The following PGCKA1 variants were observed in gnomAD, a reference collection of about 807,000 sequenced individuals.
The protein encoded by PGCKA1 is PDCD10 and GCKIII kinases associated 1.
chr4:37,459,104 G>A, the PGCKA1 span, among the ~76,000 whole-genome samples: 3 of 152,192 alleles, frequency 2.0e-5, no homozygotes, highest in South Asian at 6.2e-4. Context: ...AGTGAAGGGT[G>A]GTGGTATTAC....
the PGCKA1 span, among the ~76,000 whole-genome samples, chr4:37,577,045 T>C: frequency 1.3e-5 from 2 of 152,216 alleles, no homozygotes; most frequent in East Asian, 3.9e-4. Flanking sequence ...GTAGTTTTCT[T>C]TTTTTTGATG....
At chr4:37,566,891 T>G in the PGCKA1 span, among the ~76,000 whole-genome samples, 2 of 152,270 alleles carry the variant, frequency 1.3e-5, no homozygotes, top group Middle Eastern at 3.4e-3. Context: ...CCTGAGGCCT[T>G]TCTTGTACCA....
chr4:37,519,578 G>A, the PGCKA1 span, among the ~76,000 whole-genome samples: 8 of 152,082 alleles, frequency 5.3e-5, no homozygotes, highest in African/African-American at 1.7e-4. Context: ...CACTGTTGGC[G>A]TATGAAAATG....
chr4:37,465,328 G>A, the PGCKA1 span, among the ~76,000 whole-genome samples: 2 of 151,856 alleles, frequency 1.3e-5, no homozygotes, highest in African/African-American at 4.8e-5. Context: ...AGGTGGTGAG[G>A]ATACAAAGGT....
At chr4:37,456,948 C>T in the PGCKA1 span, among the ~76,000 whole-genome samples, 4 of 152,224 alleles carry the variant, frequency 2.6e-5, no homozygotes, top group Non-Finnish European at 4.4e-5. Context: ...CATTAATTGA[C>T]TTGAATCTCT....
At chr4:37,580,018 G>A in the PGCKA1 span, among the ~76,000 whole-genome samples, 1 of 151,912 alleles carries the variant, frequency 6.6e-6, no homozygotes, top group Admixed American at 6.6e-5. Flanking sequence ...TGTCTTCAAG[G>A]TCACTAATTC....
the PGCKA1 span, among the ~76,000 whole-genome samples, chr4:37,529,096 CTT>C: frequency 1.3e-5 from 2 of 151,396 alleles, no homozygotes; most frequent in African/African-American, 4.8e-5. Flanking sequence ...AGAAATCTAG[CTT>C]TAAGTTTTAT....
At chr4:37,519,536 A>G in the PGCKA1 span, among the ~76,000 whole-genome samples, 1 of 152,116 alleles carries the variant, frequency 6.6e-6, no homozygotes, top group Non-Finnish European at 1.5e-5. Context: ...ATTGTAAACA[A>G]TATTACTTTT....
the PGCKA1 span, among the ~76,000 whole-genome samples, chr4:37,496,110 C>T: frequency 6.6e-6 from 1 of 152,124 alleles, no homozygotes; most frequent in Non-Finnish European, 1.5e-5. Context: ...TGTGCAGAAG[C>T]TCTTTTGTTT....
the PGCKA1 span, among the ~76,000 whole-genome samples, chr4:37,493,918 T>C: frequency 6.6e-6 from 1 of 152,224 alleles, no homozygotes; most frequent in Non-Finnish European, 1.5e-5. Context: ...CATTCTTTTA[T>C]GGCTGAATAG....
At chr4:37,519,635 G>T in the PGCKA1 span, among the ~76,000 whole-genome samples, 1 of 152,120 alleles carries the variant, frequency 6.6e-6, no homozygotes, top group East Asian at 1.9e-4. Flanking sequence ...CAACTTTACT[G>T]AATTTATCAG....
chr4:37,501,939 G>A, the PGCKA1 span, among the ~76,000 whole-genome samples: 2 of 152,186 alleles, frequency 1.3e-5, no homozygotes, highest in African/African-American at 2.4e-5. Flanking sequence ...GGGTTTGACT[G>A]TGGTATAAGG....
the PGCKA1 span, among the ~76,000 whole-genome samples, chr4:37,561,360 A>T: frequency 6.6e-6 from 1 of 152,230 alleles, no homozygotes; most frequent in Non-Finnish European, 1.5e-5. Flanking sequence ...ACGTCAAAAA[A>T]TGAATTAAAT....
At chr4:37,460,462 A>G in the PGCKA1 span, 14 of 408,526 alleles carry the variant, frequency 3.4e-5, no homozygotes, top group East Asian at 9.5e-4. Context: ...CACCAGTGTT[A>G]AAGTGTTCCT....
At chr4:37,589,415 G>A in the PGCKA1 span, among the ~76,000 whole-genome samples, 2 of 152,126 alleles carry the variant, frequency 1.3e-5, no homozygotes, top group African/African-American at 4.8e-5. Context: ...CAAAAACTAT[G>A]TATTGTAAGT....
the PGCKA1 span, among the ~76,000 whole-genome samples, chr4:37,470,804 C>T: frequency 6.6e-6 from 1 of 152,074 alleles, no homozygotes; most frequent in East Asian, 1.9e-4. Flanking sequence ...TTTGAAGAAT[C>T]TTATTTTGCT....
the PGCKA1 span, among the ~76,000 whole-genome samples, chr4:37,546,560 AG>A: frequency 2.6e-5 from 4 of 152,378 alleles, no homozygotes; most frequent in Admixed American, 1.3e-4. Flanking sequence ...TTGTGCAGTC[AG>A]GGAGCTCGGA....
chr4:37,465,234 C>CTT, the PGCKA1 span, among the ~76,000 whole-genome samples: 1 of 146,980 alleles, frequency 6.8e-6, no homozygotes. Flanking sequence ...CCACAAAAAG[C>CTT]TTTTTTTTTT....
At chr4:37,505,843 A>G in the PGCKA1 span, among the ~76,000 whole-genome samples, 1 of 152,342 alleles carries the variant, frequency 6.6e-6, no homozygotes, top group South Asian at 2.1e-4. Context: ...TTTTTGGAAT[A>G]GTTTGAGTAG....
Sources: allele counts gnomAD v4.1 joint callset (sites outside exome capture counted in the v4.1 genomes callset), GRCh38; gene constraint gnomAD v4.1.1; transcripts MANE v1.5; gene names NCBI Gene and HGNC (gene_info 2026-07-23, HGNC 2026-07-21).